GPR89B: variants seen among roughly 807,000 people sequenced by gnomAD.
The protein encoded by GPR89B is golgi pH regulator B.
Under a neutral mutation model 52.4 loss-of-function variants are expected in GPR89B, and 25 were observed. The ratio of observed to expected loss-of-function variants is 0.48; its 90% CI spans 0.35 to 0.67. The LOEUF (loss-of-function observed/expected upper bound fraction) is 0.67. GPR89B is among the 30% of genes least tolerant of loss of function. The pLI, the probability that GPR89B is intolerant of heterozygous loss-of-function variation, is 0.01. For missense variants in GPR89B, 146 were observed against 450.2 expected, an observed-to-expected ratio of 0.32 and a Z score of 6.11; for synonymous variants, 52 against 151.2, an observed-to-expected ratio of 0.34 and a Z score of 4.81.
intron 5 of GPR89B, among the ~76,000 whole-genome samples, chr1:147,946,446 C>G (rs1362499418): frequency 6.6e-6 from 1 of 152,152 alleles, no homozygotes; most frequent in African/African-American, 2.4e-5. Flanking sequence ...CTAATGTGAT[C>G]AGCATGCCTA....
intron 10 of GPR89B, among the ~76,000 whole-genome samples, chr1:147,972,599 C>CT (rs1300531253): frequency 1.3e-5 from 2 of 151,782 alleles, no homozygotes; most frequent in African/African-American, 2.4e-5. Context: ...TTTTCATGTG[C>CT]TTTTTTTCCC....
At chr1:147,968,151 G>T in intron 8 of GPR89B, 1 of 414,858 alleles carries the variant, frequency 2.4e-6, no homozygotes, top group Non-Finnish European at 4.7e-6. Flanking sequence ...AACATATCAG[G>T]ACTATTTAAC....
chr1:147,940,230 C>T (rs1242142538), intron 3 of GPR89B, among the ~76,000 whole-genome samples: 5 of 151,818 alleles, frequency 3.3e-5, no homozygotes, highest in South Asian at 4.1e-4. Flanking sequence ...GGTGAAACCC[C>T]GTCTCTACTA....
At chr1:147,998,781 T>C in the GPR89B span, among the ~76,000 whole-genome samples, 1 of 149,734 alleles carries the variant, frequency 6.7e-6, no homozygotes, top group African/African-American at 2.5e-5. Flanking sequence ...CTCGAGAGAC[T>C]GAGGCAGGAG....
chr1:147,957,954 C>T (rs1288245063), intron 7 of GPR89B, among the ~76,000 whole-genome samples: 1 of 151,182 alleles, frequency 6.6e-6, no homozygotes, highest in Non-Finnish European at 1.5e-5. Context: ...GTCCCAGCTA[C>T]TCGGGAGACT....
rs1347578158 is a variant in GPR89B at position 147,957,018 on chromosome 1, C to T, written c.617+2616C>T. ...CCTCCCAAAGTGCTGGGATTACAGG[C>T]GTGAGCCACCATGCCCAGCCTTATT... On this transcript the variant is annotated intron_variant, in intron 7 of 13. Coordinates refer to ENST00000314163, the MANE Select transcript of GPR89B (RefSeq NM_016334.5). Among the ~76,000 whole-genome samples the T allele has an allele frequency of 9.2e-5, 14 of 151,962 alleles. No homozygotes were observed. The East Asian group carries it at 1.7e-3, about 19-fold the overall frequency.
rs587768475 is a variant in GPR89B, at chr1:147,947,368, T to C, written c.415+3270T>C. ...AAAAAAAAGATAAGACCAATCCTTATGTAAAATGAAAAAAAAAAATCTGTA... is the reference window on the plus strand; with the variant it reads ...AAAAAAAAGATAAGACCAATCCTTACGTAAAATGAAAAAAAAAAATCTGTA... On this transcript the variant is annotated intron_variant, in intron 5 of 13. Coordinates refer to ENST00000314163, the MANE Select transcript of GPR89B (RefSeq NM_016334.5). Among the ~76,000 whole-genome samples, 19 of 149,696 alleles carry C rather than the reference T, an allele frequency of 1.3e-4. No homozygotes were observed. The South Asian group carries it at 2.3e-3, about 18-fold the overall frequency.
At chr1:147,990,331 G>T (rs1455866796) in intron 12 of GPR89B, among the ~76,000 whole-genome samples, 1 of 152,114 alleles carries the variant, frequency 6.6e-6, no homozygotes, top group Non-Finnish European at 1.5e-5. Context: ...TGAGTTCTTT[G>T]TAAATTCTGG....
chr1:147,933,266 G>A (rs1376163318), intron 1 of GPR89B, among the ~76,000 whole-genome samples: 1 of 151,246 alleles, frequency 6.6e-6, no homozygotes, highest in Non-Finnish European at 1.5e-5. Flanking sequence ...AGAGTAATTT[G>A]CATTTACTGT....
intron 12 of GPR89B, among the ~76,000 whole-genome samples, chr1:147,991,699 G>A (rs1191324050): frequency 6.6e-6 from 1 of 152,304 alleles, no homozygotes; most frequent in South Asian, 2.1e-4. Flanking sequence ...CATCTATTGA[G>A]ATAACCATGT....
intron 7 of GPR89B, among the ~76,000 whole-genome samples, chr1:147,962,139 C>A (rs1160393456): frequency 2.0e-5 from 3 of 151,802 alleles, no homozygotes; most frequent in Non-Finnish European, 4.4e-5. Context: ...AATACCGACA[C>A]ATGGCCAGGC....
chr1:147,949,107 C>T (rs1431826827), intron 5 of GPR89B, among the ~76,000 whole-genome samples: 12 of 152,122 alleles, frequency 7.9e-5, no homozygotes, highest in Non-Finnish European at 1.2e-4. Flanking sequence ...GATCACAAGG[C>T]AGAAGAATTT....
intron 10 of GPR89B, among the ~76,000 whole-genome samples, chr1:147,979,422 C>A (rs1658074286): frequency 6.6e-6 from 1 of 152,056 alleles, no homozygotes; most frequent in Non-Finnish European, 1.5e-5. Flanking sequence ...ACCTTCAGTA[C>A]AAAGTTGAAT....
chr1:147,981,046 A>C (rs1658209134), intron 10 of GPR89B, among the ~76,000 whole-genome samples: 1 of 151,658 alleles, frequency 6.6e-6, no homozygotes, highest in African/African-American at 2.4e-5. Context: ...GGGCTTTTTA[A>C]ATGTAATTTT....
chr1:148,013,245 G>A, the GPR89B span, among the ~76,000 whole-genome samples: 16 of 152,164 alleles, frequency 1.1e-4, no homozygotes, highest in Admixed American at 8.5e-4. Context: ...AGAGGAGTCC[G>A]CCAGGTGGGA....
At chr1:147,945,728 T>C in intron 5 of GPR89B, among the ~76,000 whole-genome samples, 2 of 118,670 alleles carry the variant, frequency 1.7e-5, no homozygotes, top group South Asian at 5.1e-4. Context: ...TTCAAGTTTC[T>C]TTTTTTTTTT....
chr1:148,013,273 T>C, the GPR89B span, among the ~76,000 whole-genome samples: 1 of 152,010 alleles, frequency 6.6e-6, no homozygotes, highest in African/African-American at 2.4e-5. Context: ...AGCCGCTGGA[T>C]AGCACGGCGG....
chr1:147,937,742 T>TA (rs1654210464), intron 2 of GPR89B, among the ~76,000 whole-genome samples: 2 of 152,182 alleles, frequency 1.3e-5, no homozygotes, highest in African/African-American at 4.8e-5. Flanking sequence ...AAATTGCTGT[T>TA]ATTCTGTTCT....
intron 10 of GPR89B, among the ~76,000 whole-genome samples, chr1:147,971,464 C>CTTTT (rs1196935183): frequency 0.021 from 1,448 of 70,290 alleles, 34 homozygotes; most frequent in Non-Finnish European, 0.023. Flanking sequence ...GGAAGCATGT[C>CTTTT]TTTTTTTTTT....
Sources: allele counts gnomAD v4.1 joint callset (sites outside exome capture counted in the v4.1 genomes callset), GRCh38; gene constraint gnomAD v4.1.1; transcripts MANE v1.5; gene names NCBI Gene and HGNC (gene_info 2026-07-23, HGNC 2026-07-21).